Variants in IFT52 observed in about 807,000 individuals in gnomAD.
IFT52 encodes the protein intraflagellar transport 52.
Under a neutral mutation model 54.4 loss-of-function variants are expected in IFT52, and 44 were observed. The observed-to-expected ratio is 0.81, with a 90% CI of 0.63 to 1.04. The LOEUF (loss-of-function observed/expected upper bound fraction) is 1.04. Among genes scored for constraint, IFT52 ranks in the 50% least tolerant of loss-of-function variants. IFT52 has a pLI of 0.00. For missense variants in IFT52, 452 were observed against 523.6 expected (o/e 0.86, Z 1.33); for synonymous variants, 181 against 185.3 (o/e 0.98, Z 0.19).
chr20:43,633,680 C>T (rs1985332230), intron 10 of IFT52, among the ~76,000 whole-genome samples: 1 of 152,028 alleles, frequency 6.6e-6, no homozygotes, highest in Admixed American at 6.6e-5. Flanking sequence ...TGCACTCCAG[C>T]CTGGGCGACA....
chr20:43,604,926 C>T (rs987248467), intron 5 of IFT52, 76 bp from the exon 6 acceptor site: 3 of 1,466,904 alleles, frequency 2.0e-6, no homozygotes, highest in Non-Finnish European at 2.8e-6. Flanking sequence ...TAGCCTCATA[C>T]TTGCTGTACT....
At chr20:43,602,409 A>T (rs1982536690) in intron 3 of IFT52, among the ~76,000 whole-genome samples, 1 of 151,736 alleles carries the variant, frequency 6.6e-6, no homozygotes, top group Non-Finnish European at 1.5e-5. Flanking sequence ...TGATCCACCC[A>T]CCTCAGCCTC....
At position 43,619,910 on chromosome 20, in the gene IFT52, CTT is replaced by C. The variant is rs11482384; in HGVS notation, c.699+907_699+908del. On this transcript the variant is annotated intron_variant, in intron 8 of 13. Coordinates refer to ENST00000373030, the MANE Select transcript of IFT52 (RefSeq NM_016004.5). ...CATTATGGGAGATCTAGATATTCTA[CTT>C]TTTTTTTTTTTTTTTTTTTTTTGAC... Among the ~76,000 whole-genome samples, 514 of 82,742 alleles carry C rather than the reference CTT, an allele frequency of 6.2e-3. 1 individual carries two copies. The highest frequency in any genetic ancestry group is 0.024 in the African/African-American group (482 of 20,470). 54.3% of individuals were successfully genotyped at this position (82,742 alleles called of 152,430 possible).
chr20:43,643,857 T>C lies in IFT52; in HGVS notation c.1266+1233T>C, dbSNP rs1986076784. On this transcript the variant is annotated intron_variant, in intron 13 of 13. Transcript: ENST00000373030. The stretch of plus-strand genomic sequence containing the variant: ...TGGCCCACACCTGTAATCCCAGCAA[T>C]TGGGAGCCCAAGGCGGGCAGATCAC... Among the ~76,000 whole-genome samples, 4 of 58,268 alleles carry C rather than the reference T, an allele frequency of 6.9e-5. 2 individuals carry two copies. The highest frequency in any genetic ancestry group is 1.6e-4 in the Non-Finnish European group (4 of 24,246). 38.2% of individuals were successfully genotyped at this position (58,268 alleles called of 152,430 possible).
chr20:43,635,235 A>T (rs892291546), intron 10 of IFT52, among the ~76,000 whole-genome samples: 1 of 150,674 alleles, frequency 6.6e-6, no homozygotes, highest in Non-Finnish European at 1.5e-5. Flanking sequence ...TTCCTGTATT[A>T]GTTTGCTAAG....
At chr20:43,604,797 T>TTA (rs754883331) in intron 5 of IFT52, among the ~76,000 whole-genome samples, 30 of 152,240 alleles carry the variant, frequency 2.0e-4, no homozygotes, top group Non-Finnish European at 3.2e-4. Context: ...TATTTTTTGT[T>TTA]TATATATATA....
intron 12 of IFT52, among the ~76,000 whole-genome samples, chr20:43,639,190 TAA>T (rs1410393497): frequency 8.1e-6 from 1 of 122,942 alleles, no homozygotes; most frequent in Non-Finnish European, 1.7e-5. Context: ...GGGGATTGGT[TAA>T]AAAGAGTATG....
At chr20:43,642,382 TG>T in intron 12 of IFT52, 96 bp from the exon 13 acceptor site, 1 of 1,115,458 alleles carries the variant, frequency 9.0e-7, no homozygotes, top group Admixed American at 2.2e-5. Flanking sequence ...TTAGGAAATG[TG>T]GAAACATGAC....
intron 1 of IFT52, among the ~76,000 whole-genome samples, chr20:43,593,854 G>A (rs1981719827): frequency 6.6e-6 from 1 of 152,058 alleles, no homozygotes; most frequent in South Asian, 2.1e-4. Flanking sequence ...GTGAGCCACT[G>A]CACCCAGCCC....
At chr20:43,598,227 T>C (rs764545887) in intron 3 of IFT52, among the ~76,000 whole-genome samples, 1 of 152,098 alleles carries the variant, frequency 6.6e-6, no homozygotes, top group Non-Finnish European at 1.5e-5. Context: ...TATGCAAGCA[T>C]GAGGTACGTA....
At position 43,604,227 on chromosome 20, in the gene IFT52, G is replaced by T; in HGVS notation, c.382G>T (p.Glu128Ter). The change falls in exon 5 of 14, where the codon GAA (glutamate) becomes TAA (stop). Residue 128 changes from glutamate (E) to a stop codon, truncating the protein, a stop_gained. Transcript: ENST00000373030. LOFTEE classifies it high-confidence loss of function. ...NVYHKYFHPK[E>*]ALVSSGVLNR... is the part of the protein sequence containing the mutation. ...ATATCACAAATATTTCCATCCTAAAGAAGCTCTAGTTTCCAGTGGAGTCTT... is the reference window on the plus strand; with the variant it reads ...ATATCACAAATATTTCCATCCTAAATAAGCTCTAGTTTCCAGTGGAGTCTT... 2 of 1,612,038 alleles carry T rather than the reference G, an allele frequency of 1.2e-6. No homozygotes were observed. The highest frequency in any genetic ancestry group is 1.1e-5 in the South Asian group (1 of 91,034).
At chr20:43,646,885 T>C (rs750187195) in intron 13 of IFT52, 51 bp from the exon 14 acceptor site, 1 of 1,437,348 alleles carries the variant, frequency 7.0e-7, no homozygotes, top group African/African-American at 1.4e-5. Flanking sequence ...AGTTTACATT[T>C]CAGGCTTTAT....
chr20:43,610,291 C>G (rs1373446307), intron 6 of IFT52, among the ~76,000 whole-genome samples: 1 of 90,030 alleles, frequency 1.1e-5, no homozygotes. Flanking sequence ...GACACCAACG[C>G]AAAAAAAAAA....
At chr20:43,612,312 T>G (rs1393024875) in intron 6 of IFT52, among the ~76,000 whole-genome samples, 1 of 152,138 alleles carries the variant, frequency 6.6e-6, no homozygotes, top group Non-Finnish European at 1.5e-5. Context: ...GTTTGGAGAA[T>G]GTGGGCCAAG....
chr20:43,598,488 A>T (rs1054309436), intron 3 of IFT52, among the ~76,000 whole-genome samples: 1 of 152,128 alleles, frequency 6.6e-6, no homozygotes, highest in African/African-American at 2.4e-5. Flanking sequence ...TGAGGCTAGG[A>T]GTTTGAGACC....
chr20:43,638,076 C>G (rs1985664459), intron 12 of IFT52, among the ~76,000 whole-genome samples: 1 of 152,146 alleles, frequency 6.6e-6, no homozygotes, highest in Admixed American at 6.6e-5. Flanking sequence ...CTGCTCCTGA[C>G]ATGAATTGCC....
Position 43,637,138 on chromosome 20 carries a change from CT to C in IFT52, c.1012-3del. ...CATTTCTAAATAATGACTTTATTTC[CT>C]TTTAGGTTTTTCCTCCCAGTTTCCG... On this transcript the variant is annotated splice_region_variant and splice_polypyrimidine_tract_variant and intron_variant, in intron 11 of 13. Coordinates refer to ENST00000373030, the MANE Select transcript of IFT52 (RefSeq NM_016004.5). 2 of 1,575,684 alleles carry C rather than the reference CT, an allele frequency of 1.3e-6. No individual in the cohort carries two copies. The highest frequency in any genetic ancestry group is 1.7e-6 in the Non-Finnish European group (2 of 1,145,938).
At chr20:43,612,129 C>T (rs569587677) in intron 6 of IFT52, among the ~76,000 whole-genome samples, 1 of 152,246 alleles carries the variant, frequency 6.6e-6, no homozygotes, top group African/African-American at 2.4e-5. Context: ...CCATTGATTG[C>T]ATTTTGGGAA....
chr20:43,617,676 T>G (rs1392372518), intron 7 of IFT52, among the ~76,000 whole-genome samples: 1 of 152,196 alleles, frequency 6.6e-6, no homozygotes, highest in Non-Finnish European at 1.5e-5. Flanking sequence ...ACTCCTGGCC[T>G]CAAGTGATCC....
Sources: allele counts gnomAD v4.1 joint callset (sites outside exome capture counted in the v4.1 genomes callset), GRCh38; gene constraint gnomAD v4.1.1; transcripts MANE v1.5; gene names NCBI Gene and HGNC (gene_info 2026-07-23, HGNC 2026-07-21).